Variants in SLC39A12 observed in about 807,000 individuals in gnomAD.
The protein encoded by SLC39A12 is solute carrier family 39 member 12, also known as zinc transporter ZIP12.
Under a neutral mutation model 71.1 loss-of-function variants are expected in SLC39A12, and 63 were observed. The observed-to-expected ratio is 0.89, with a 90% CI of 0.72 to 1.09. The LOEUF is 1.09. SLC39A12 is among the 50% of genes least tolerant of loss of function. The pLI is 0.00. For synonymous variants in SLC39A12, 351 were observed against 301.3 expected, an observed-to-expected ratio of 1.16 and a Z score of -1.71; for missense variants, 892 against 812.6, an observed-to-expected ratio of 1.10 and a Z score of -1.19.
chr10:17,964,095 G>C (rs1487142714), intron 3 of SLC39A12, among the ~76,000 whole-genome samples: 2 of 152,054 alleles, frequency 1.3e-5, no homozygotes, highest in Non-Finnish European at 2.9e-5. Flanking sequence ...GGGCGTTCCT[G>C]ACCCCACGCA....
chr10:18,017,333 G>A (rs1046120436), intron 12 of SLC39A12, among the ~76,000 whole-genome samples: 1 of 152,106 alleles, frequency 6.6e-6, no homozygotes, highest in Non-Finnish European at 1.5e-5. Flanking sequence ...TTTTGAGACA[G>A]AGTCTCACTT....
At chr10:17,998,807 A>T (rs912421030) in intron 10 of SLC39A12, among the ~76,000 whole-genome samples, 1 of 152,220 alleles carries the variant, frequency 6.6e-6, no homozygotes, top group South Asian at 2.1e-4. Context: ...GTGGGATATG[A>T]TATGAATCAA....
chr10:18,001,716 T>C (rs1231732674), intron 11 of SLC39A12: 1 of 152,202 alleles, frequency 6.6e-6, no homozygotes, highest in Non-Finnish European at 1.5e-5. Flanking sequence ...GTTGTATGTA[T>C]TAATGGAGTA....
intron 12 of SLC39A12, among the ~76,000 whole-genome samples, chr10:18,033,803 C>T (rs1303587610): frequency 6.6e-6 from 1 of 150,398 alleles, no homozygotes; most frequent in Admixed American, 6.6e-5. Flanking sequence ...TATAAATTTC[C>T]CTCTACACAC....
chr10:18,014,741 T>A (rs1201983340), intron 12 of SLC39A12, among the ~76,000 whole-genome samples: 2 of 152,246 alleles, frequency 1.3e-5, no homozygotes, highest in Non-Finnish European at 2.9e-5. Flanking sequence ...AATTTTTTTC[T>A]TGTTCACTAG....
intron 4 of SLC39A12, among the ~76,000 whole-genome samples, chr10:17,973,549 A>T (rs1835028199): frequency 6.6e-6 from 1 of 152,160 alleles, no homozygotes; most frequent in Non-Finnish European, 1.5e-5. Context: ...CACTTTAAAT[A>T]TGTTATGCCA....
At chr10:17,955,529 C>T (rs959231240) in intron 2 of SLC39A12, among the ~76,000 whole-genome samples, 55 of 152,158 alleles carry the variant, frequency 3.6e-4, no homozygotes, top group Admixed American at 1.2e-3. Context: ...AGCTTGTGGC[C>T]GAGTCTGTTC....
chr10:18,003,110 C>A, intron 11 of SLC39A12, 61 bp from the exon 12 acceptor site: 1 of 1,510,926 alleles, frequency 6.6e-7, no homozygotes, highest in Non-Finnish European at 9.0e-7. Flanking sequence ...TAGTGCGTTA[C>A]TTTAGCAAAG....
rs781871051 is a variant in SLC39A12 at position 17,954,359 on chromosome 10, T to C, written c.261+822T>C. 1.2e-4 allele frequency among the ~76,000 whole-genome samples: 19 copies of C among 152,270 alleles called. No individual in the cohort carries two copies. The South Asian group carries it at 3.1e-3, about 25-fold the overall frequency. ...ACCTCCACCTCGTGGGTGCAAGTGATTCTCCTGCCTCAGCCTCCCAAGTAG... is the reference window on the plus strand; with the variant it reads ...ACCTCCACCTCGTGGGTGCAAGTGACTCTCCTGCCTCAGCCTCCCAAGTAG... On this transcript the variant is annotated intron_variant, in intron 2 of 12. Transcript: ENST00000377369.
intron 4 of SLC39A12, 152 bp from the exon 5 acceptor site, chr10:17,977,750 C>T (rs1835146139): frequency 9.3e-6 from 5 of 538,640 alleles, no homozygotes; most frequent in South Asian, 5.9e-5. Flanking sequence ...AAGGCATTTT[C>T]GTGGGTGGAA....
intron 12 of SLC39A12, among the ~76,000 whole-genome samples, chr10:18,035,989 G>A (rs893526387): frequency 3.3e-5 from 5 of 152,110 alleles, no homozygotes; most frequent in African/African-American, 1.2e-4. Flanking sequence ...CCCACTTGAG[G>A]AGGCAGTCTG....
chr10:18,000,959 A>G lies in SLC39A12; in HGVS notation c.1759+134A>G, dbSNP rs981665128. On this transcript the variant is annotated intron_variant, in intron 11 of 12. Transcript: ENST00000377369. The stretch of plus-strand genomic sequence containing the variant: ...TACTTTCCTTTTATAATTTATTTAA[A>G]CCATAAGAAGAGGAGGACTAGAAAA... 1.0e-4 allele frequency: 96 copies of G among 914,994 alleles called. No individual in the cohort carries two copies. The African/African-American group carries it at 1.6e-3, about 15-fold the overall frequency. The allele number at this position is 914,994 out of a possible 1,614,324, so 56.7% of individuals were successfully genotyped here.
intron 2 of SLC39A12, among the ~76,000 whole-genome samples, chr10:17,959,794 A>G (rs1170273765): frequency 6.6e-6 from 1 of 152,144 alleles, no homozygotes; most frequent in Admixed American, 6.5e-5. Context: ...ATGTCAAGTA[A>G]ACTTCTCAGA....
chr10:18,015,333 TA>T (rs1237725836), intron 12 of SLC39A12, among the ~76,000 whole-genome samples: 2 of 152,292 alleles, frequency 1.3e-5, no homozygotes, highest in African/African-American at 2.4e-5. Flanking sequence ...AAAATTGAGA[TA>T]AAAAATTAGC....
intron 12 of SLC39A12, among the ~76,000 whole-genome samples, chr10:18,022,238 C>T (rs1836552618): frequency 6.6e-6 from 1 of 152,112 alleles, no homozygotes; most frequent in Non-Finnish European, 1.5e-5. Flanking sequence ...CTTGCTTCCT[C>T]TCCGTGTCTT....
At position 17,965,579 on chromosome 10, in the gene SLC39A12, A is replaced by G; in HGVS notation, c.640A>G (p.Thr214Ala). 6.2e-7 allele frequency: 1 copy of G among 1,614,186 alleles called. No homozygotes were observed. The highest frequency in any genetic ancestry group is 8.5e-7 in the Non-Finnish European group (1 of 1,180,014). The change falls in exon 4 of 13, where the codon ACT (threonine) becomes GCT (alanine). Residue 214 changes from threonine to alanine, a missense_variant. Physicochemically the swap from Thr to Ala is moderately conservative, Grantham distance 58. Transcript: ENST00000377369. Reference protein sequence around the residue: ...TLPQLAAMIITLSLQGVCLGQ... With the variant: ...TLPQLAAMIIALSLQGVCLGQ... ...TCCTCAGTTGGCAGCCATGATCATT[A>G]CTTTGTCCCTCCAGGGTGTTTGTCT...
chr10:17,955,701 G>A (rs561691485), intron 2 of SLC39A12, among the ~76,000 whole-genome samples: 1 of 152,254 alleles, frequency 6.6e-6, no homozygotes, highest in East Asian at 1.9e-4. Flanking sequence ...CCAATTTTAC[G>A]TCTGTATAAA....
intron 7 of SLC39A12, among the ~76,000 whole-genome samples, chr10:17,990,642 G>GT (rs1835519082): frequency 2.0e-5 from 3 of 152,066 alleles, no homozygotes; most frequent in Admixed American, 2.0e-4. Flanking sequence ...CAGTCATACA[G>GT]TATGCTCCCA....
intron 12 of SLC39A12, among the ~76,000 whole-genome samples, chr10:18,018,633 G>A (rs930083990): frequency 6.6e-6 from 1 of 152,122 alleles, no homozygotes; most frequent in Non-Finnish European, 1.5e-5. Flanking sequence ...CTATTGATAT[G>A]ATCATGTAAT....
Sources: allele counts gnomAD v4.1 joint callset (sites outside exome capture counted in the v4.1 genomes callset), GRCh38; gene constraint gnomAD v4.1.1; transcripts MANE v1.5; gene names NCBI Gene and HGNC (gene_info 2026-07-23, HGNC 2026-07-21).